The following PFAS variants were observed in gnomAD, a reference collection of about 807,000 sequenced individuals.
PFAS encodes phosphoribosylformylglycinamidine synthase.
A neutral mutation model predicts 140.6 loss-of-function variants in PFAS; 97 were observed. That is an observed-to-expected ratio of 0.69 (90% CI 0.59 to 0.82). PFAS has a LOEUF of 0.82. PFAS is among the 40% of genes least tolerant of loss of function. PFAS has a pLI of 0.00. For missense variants in PFAS, 1,656 were observed against 1,780.2 expected (o/e 0.93, Z 1.26); for synonymous variants, 679 against 718.8 (o/e 0.94, Z 0.88).
Position 8,255,960 on chromosome 17 carries a change from G to A in PFAS, c.680+50G>A, listed in dbSNP as rs549805371. On this transcript the variant is annotated intron_variant, in intron 6 of 27. Transcript: ENST00000314666. ...ATACCTGAGCCCATGGGTGTTGGGAGAGACCACAGGGGCTCACCTTCATGT... is the reference window on the plus strand; with the variant it reads ...ATACCTGAGCCCATGGGTGTTGGGAAAGACCACAGGGGCTCACCTTCATGT... The A allele has an allele frequency of 2.9e-6, 4 of 1,364,410 alleles. No homozygotes were observed. The African/African-American group carries it at 4.3e-5, about 15-fold the overall frequency. The allele number at this position is 1,364,410 out of a possible 1,614,324, so 84.5% of individuals were successfully genotyped here. A position where few individuals can be genotyped will look rare whatever the true frequency, so the allele number is the denominator to read the frequency against.
Position 8,267,328 on chromosome 17 carries a change from G to A in PFAS, c.3176-44G>A, listed in dbSNP as rs1352629004. 73 of 1,599,300 alleles carry A rather than the reference G, an allele frequency of 4.6e-5. No homozygotes were observed. The highest frequency in any genetic ancestry group is 6.3e-5 in the Non-Finnish European group (73 of 1,167,178). ...AGAAAGGTGTCTGGGGAGTTGGGGT[G>A]GGGAAGTGACTTTCTGGCCCAAAGA... is the stretch of plus-strand genomic sequence containing the variant. On this transcript the variant is annotated intron_variant, in intron 24 of 27. Coordinates refer to ENST00000314666, the MANE Select transcript of PFAS (RefSeq NM_012393.3). This position sits in a 1 kb window ranked among gnomAD's most constrained non-coding sequence, Gnocchi z 4.9.
intron 3 of PFAS, among the ~76,000 whole-genome samples, chr17:8,254,707 G>A (rs1989289910): frequency 6.7e-6 from 1 of 149,452 alleles, no homozygotes; most frequent in African/African-American, 2.5e-5. Flanking sequence ...GGCAGGCTGA[G>A]GCAGGAGAAT....
Position 8,255,075 on chromosome 17 carries a change from C to G in PFAS, c.327C>G (p.Arg109=), listed in dbSNP as rs766060178. 3.1e-6 allele frequency: 5 copies of G among 1,613,944 alleles called. No individual in the cohort carries two copies. Among genetic ancestry groups the G allele is most frequent in the Admixed American group, 1.7e-5 (1 of 60,018 alleles). The change falls in exon 4 of 28, where the codon CGC becomes CGG. Residue 109 remains arginine, a synonymous_variant. Coordinates refer to ENST00000314666, the MANE Select transcript of PFAS (RefSeq NM_012393.3). The part of the protein sequence containing the change: ...PTSTNIVSVC[R]ATGLGPVDRV... ...CCACCAACATCGTGTCAGTGTGCCG[C>G]GCCACTGGGCTGGGGCCTGTGGATC...
intron 3 of PFAS, among the ~76,000 whole-genome samples, chr17:8,254,729 G>A (rs1277634402): frequency 6.6e-6 from 1 of 152,280 alleles, no homozygotes; most frequent in African/African-American, 2.4e-5. Context: ...GTGTGAACCC[G>A]GGAGGCAGAG....
Position 8,261,595 on chromosome 17 carries a change from A to G in PFAS, c.1337-1325A>G, listed in dbSNP as rs974395373. Among the ~76,000 whole-genome samples, 41 of 151,652 alleles carry G rather than the reference A, an allele frequency of 2.7e-4. 1 individual carries two copies. Among genetic ancestry groups the G allele is most frequent in the Admixed American group, 2.6e-3 (40 of 15,200 alleles). ...GTATATCTTCCTTAGAGAAACATCTATTCAGATCCTTTCCTATTTCTTTTT... is the reference window on the plus strand; with the variant it reads ...GTATATCTTCCTTAGAGAAACATCTGTTCAGATCCTTTCCTATTTCTTTTT... On this transcript the variant is annotated intron_variant, in intron 11 of 27. Transcript: ENST00000314666.
chr17:8,261,347 C>T (rs970332391), intron 11 of PFAS, among the ~76,000 whole-genome samples: 4 of 151,968 alleles, frequency 2.6e-5, no homozygotes, highest in Non-Finnish European at 5.9e-5. Context: ...AGCAATTCCC[C>T]TGCCTCAGCC....
Position 8,265,846 on chromosome 17 carries a change from CT to C in PFAS, c.2546-15del. 6.3e-7 allele frequency: 1 copy of C among 1,586,298 alleles called. No homozygotes were observed. Among genetic ancestry groups the C allele is most frequent in the Non-Finnish European group, 8.6e-7 (1 of 1,163,644 alleles). Reference sequence around the variant, plus strand: ...CTGAGCTGTTCCCCTCCCCTCACCCCTCCCCGTCTCCCCAGGCCATCTGCTC... The same window carrying C: ...CTGAGCTGTTCCCCTCCCCTCACCCCCCCCGTCTCCCCAGGCCATCTGCTC... On this transcript the variant is annotated splice_polypyrimidine_tract_variant and intron_variant, in intron 20 of 27. Coordinates refer to ENST00000314666, the MANE Select transcript of PFAS (RefSeq NM_012393.3).
chr17:8,265,696 C>T, intron 20 of PFAS, 57 bp downstream of exon 20: 2 of 1,511,188 alleles, frequency 1.3e-6, no homozygotes, highest in Non-Finnish European at 1.8e-6. Context: ...TGTTTGGCTC[C>T]TGCTTTGTGA....
At chr17:8,253,278 G>A (rs922436063) in intron 1 of PFAS, among the ~76,000 whole-genome samples, 1 of 152,106 alleles carries the variant, frequency 6.6e-6, no homozygotes, top group African/African-American at 2.4e-5. Context: ...GATTCACAGC[G>A]GTGTTTCTAA....
intron 12 of PFAS, 56 bp from the exon 13 acceptor site, chr17:8,263,053 G>C (rs1989657423): frequency 6.2e-7 from 1 of 1,608,258 alleles, no homozygotes; most frequent in Non-Finnish European, 8.5e-7. Flanking sequence ...AGGCATAGGG[G>C]AGCGTATAGG....
chr17:8,256,770 G>C (rs1490797305), intron 8 of PFAS, 65 bp from the exon 9 acceptor site: 2 of 1,554,354 alleles, frequency 1.3e-6, no homozygotes, highest in Non-Finnish European at 1.7e-6. Flanking sequence ...ATTTTCAGTG[G>C]GGGTGGTCAG....
intron 11 of PFAS, among the ~76,000 whole-genome samples, chr17:8,259,642 G>A (rs903215436): frequency 3.9e-5 from 6 of 152,132 alleles, no homozygotes; most frequent in African/African-American, 1.4e-4. Flanking sequence ...ATAAAACTTA[G>A]CTGGATATGG....
intron 11 of PFAS, among the ~76,000 whole-genome samples, chr17:8,262,706 A>AT (rs1223784896): frequency 1.3e-5 from 2 of 151,984 alleles, no homozygotes; most frequent in East Asian, 3.9e-4. Flanking sequence ...TGAGGCAGGA[A>AT]TATCGCTTGA....
chr17:8,264,550 G>C lies in PFAS; in HGVS notation c.1998G>C (p.Glu666Asp). ...GGCTGAGCGTGCACCAGGCTCTGGA[G>C]AGGGTTCTGAGGCTGCCCGCCGTGG... ...PPGLSVHQAL[E>D]RVLRLPAVAS... The change falls in exon 17 of 28, where the codon GAG (glutamate) becomes GAC (aspartate). Residue 666 changes from glutamate to aspartate, a missense_variant. Coordinates refer to ENST00000314666, the MANE Select transcript of PFAS (RefSeq NM_012393.3). 1 of 1,613,728 alleles carries C rather than the reference G, an allele frequency of 6.2e-7. No homozygotes were observed. The highest frequency in any genetic ancestry group is 8.5e-7 in the Non-Finnish European group (1 of 1,179,846).
intron 11 of PFAS, among the ~76,000 whole-genome samples, chr17:8,260,402 C>T (rs1057412680): frequency 8.5e-5 from 13 of 152,266 alleles, no homozygotes; most frequent in South Asian, 6.2e-4. Flanking sequence ...ATACAATATG[C>T]GGCCTTTTGT....
At chr17:8,265,769 T>C in intron 20 of PFAS, 93 bp from the exon 21 acceptor site, 1 of 1,356,368 alleles carries the variant, frequency 7.4e-7, no homozygotes, top group Non-Finnish European at 1.1e-6. Flanking sequence ...TCTAGGTGTC[T>C]CACCACATGC....
At chr17:8,253,480 C>T (rs957600873) in intron 1 of PFAS, among the ~76,000 whole-genome samples, 4 of 152,180 alleles carry the variant, frequency 2.6e-5, no homozygotes, top group Non-Finnish European at 5.9e-5. Context: ...TCCATAACGC[C>T]GCAATTTTCC....
chr17:8,262,761 A>C (rs1403244227), intron 11 of PFAS, among the ~76,000 whole-genome samples, 159 bp from the exon 12 acceptor site: 1 of 151,878 alleles, frequency 6.6e-6, no homozygotes, highest in Non-Finnish European at 1.5e-5. Context: ...ACACCACTGT[A>C]CTTCAGCCTG....
At position 8,258,063 on chromosome 17, in the gene PFAS, C is replaced by T; in HGVS notation, c.1208-8C>T. 2 of 1,614,108 alleles carry T rather than the reference C, an allele frequency of 1.2e-6. No homozygotes were observed. Among genetic ancestry groups the T allele is most frequent in the Non-Finnish European group, 1.7e-6 (2 of 1,179,994 alleles). ...GAGTGACAGGTCCCTCTGATGTTCA[C>T]ACTCCAGGCTTCGCCCGCTCCTTGG... is the stretch of plus-strand genomic sequence containing the variant. On this transcript the variant is annotated splice_region_variant and splice_polypyrimidine_tract_variant and intron_variant, in intron 10 of 27. Transcript: ENST00000314666.
Sources: gnomAD v4.1 joint callset for allele counts (sites outside exome capture counted in the v4.1 genomes callset) on GRCh38, gnomAD v4.1.1 for gene constraint, Gnocchi (gnomAD v3.1) non-coding constraint, MANE v1.5 for transcripts, NCBI Gene and HGNC (gene_info 2026-07-23, HGNC 2026-07-21) for gene names.